The following CPLANE1 variants were observed in gnomAD, a reference collection of about 807,000 sequenced individuals.
The protein encoded by CPLANE1 is ciliogenesis and planar polarity effector 1.
In CPLANE1, 263 loss-of-function variants were observed where a neutral mutation model predicts 362.5. The observed-to-expected ratio is 0.73, with a 90% CI of 0.66 to 0.80. The LOEUF is 0.80. Ranked by LOEUF, CPLANE1 falls within the 30% of genes least tolerant of loss-of-function variation. The pLI is 0.00. For synonymous variants in CPLANE1, 1,212 were observed against 1,302.6 expected (o/e 0.93, Z 1.50); for missense variants, 3,461 against 3,793.4 (o/e 0.91, Z 2.30).
At chr5:37,159,094 C>CTTTTTTTTT (rs34035923) in intron 38 of CPLANE1, among the ~76,000 whole-genome samples, 1 of 59,760 alleles carries the variant, frequency 1.7e-5, no homozygotes, top group African/African-American at 8.9e-5. Context: ...AATTCACATT[C>CTTTTTTTTT]TTTTTTTTTT....
chr5:37,100,962 T>C, the CPLANE1 span, among the ~76,000 whole-genome samples: 10 of 152,374 alleles, frequency 6.6e-5, no homozygotes, highest in African/African-American at 2.4e-4. Flanking sequence ...ATTAATTTTG[T>C]ATCCTGAAAC....
chr5:37,240,288 C>G (rs1320736165), intron 6 of CPLANE1, among the ~76,000 whole-genome samples: 1 of 151,684 alleles, frequency 6.6e-6, no homozygotes, highest in Non-Finnish European at 1.5e-5. Context: ...AGGCGGAGGT[C>G]GCAGTGAGCC....
intron 26 of CPLANE1, 66 bp downstream of exon 26, chr5:37,182,694 G>T: frequency 3.1e-6 from 3 of 962,592 alleles, no homozygotes; most frequent in Non-Finnish European, 4.6e-6. Flanking sequence ...GATGGGAAAT[G>T]TAAACATAGT....
At chr5:37,079,556 C>T in the CPLANE1 span, among the ~76,000 whole-genome samples, 1 of 152,208 alleles carries the variant, frequency 6.6e-6, no homozygotes, top group African/African-American at 2.4e-5. Context: ...TATATAGGCA[C>T]AAGCTGGGTC....
intron 30 of CPLANE1, 133 bp downstream of exon 30, chr5:37,177,488 T>A (rs1244753240): frequency 1.5e-6 from 1 of 672,054 alleles, no homozygotes; most frequent in African/African-American, 1.8e-5. Flanking sequence ...ACCATAACTA[T>A]AAACTGAAGT....
intron 38 of CPLANE1, among the ~76,000 whole-genome samples, chr5:37,159,729 T>C (rs890158064): frequency 2.0e-5 from 3 of 152,094 alleles, no homozygotes; most frequent in Non-Finnish European, 4.4e-5. Context: ...AAAAGGAAAA[T>C]AAAAATACTG....
Position 37,157,244 on chromosome 5 carries a change from A to C in CPLANE1, c.8119+69T>G. On this transcript the variant is annotated intron_variant, in intron 41 of 52. Coordinates refer to ENST00000651892, the MANE Select transcript of CPLANE1 (RefSeq NM_001384732.1). ...TTCTGGTTTCTTTTGCAATTACCAA[A>C]TTTTGGTGCTTGTTTCCAATACAAC... is the stretch of plus-strand genomic sequence containing the variant. 4.1e-6 allele frequency: 4 copies of C among 969,972 alleles called. No individual in the cohort carries two copies. The South Asian group carries it at 5.4e-5, about 13-fold the overall frequency. 60.1% of individuals were successfully genotyped at this position (969,972 alleles called of 1,614,324 possible). A position where few individuals can be genotyped will look rare whatever the true frequency, so the allele number is the denominator to read the frequency against.
chr5:37,223,590 G>A lies in CPLANE1; in HGVS notation c.2581+663C>T, dbSNP rs1795807805. 2.0e-5 allele frequency among the ~76,000 whole-genome samples: 3 copies of A among 152,310 alleles called. No individual in the cohort carries two copies. In the South Asian group the frequency reaches 6.2e-4, roughly 32 times the overall value. On this transcript the variant is annotated intron_variant, in intron 14 of 52. Transcript: ENST00000651892. ...AGTCAGGGTTCCAGGGTCACCAGCTGAGAACCTCTGTCATCTCAGCCATAC... is the reference window on the plus strand; with the variant it reads ...AGTCAGGGTTCCAGGGTCACCAGCTAAGAACCTCTGTCATCTCAGCCATAC...
chr5:37,201,518 A>G (rs1789178327), intron 19 of CPLANE1, 73 bp downstream of exon 19: 1 of 1,251,590 alleles, frequency 8.0e-7, no homozygotes, highest in Admixed American at 2.1e-5. Context: ...GATGATTATT[A>G]TCAAGTTAAT....
intron 31 of CPLANE1, among the ~76,000 whole-genome samples, chr5:37,174,440 T>C (rs1335963459): frequency 1.3e-5 from 2 of 152,242 alleles, no homozygotes; most frequent in African/African-American, 4.8e-5. Context: ...CATCATTAAA[T>C]GTGAAACAAT....
chr5:37,181,634 G>C (rs1429330321), intron 26 of CPLANE1, among the ~76,000 whole-genome samples: 1 of 152,070 alleles, frequency 6.6e-6, no homozygotes, highest in Non-Finnish European at 1.5e-5. Flanking sequence ...GGGTAACAAA[G>C]GGAAACCCTG....
At position 37,231,060 on chromosome 5, in the gene CPLANE1, TAA is replaced by T; in HGVS notation, c.939-13_939-12del. The T allele has an allele frequency of 8.7e-6, 13 of 1,501,230 alleles. No homozygotes were observed. Among genetic ancestry groups the T allele is most frequent in the Non-Finnish European group, 1.1e-5 (12 of 1,123,216 alleles). 93.0% of individuals were successfully genotyped at this position (1,501,230 alleles called of 1,614,324 possible). Reference sequence around the variant, plus strand: ...CCTACCCAGTAGGACCTATAATAAATAAGAGACAACATGTTTAGAAGAGATAC... The same window carrying T: ...CCTACCCAGTAGGACCTATAATAAATGAGACAACATGTTTAGAAGAGATAC... On this transcript the variant is annotated splice_polypyrimidine_tract_variant and intron_variant, in intron 8 of 52. Coordinates refer to ENST00000651892, the MANE Select transcript of CPLANE1 (RefSeq NM_001384732.1).
intron 12 of CPLANE1, among the ~76,000 whole-genome samples, chr5:37,225,510 C>T (rs997972429): frequency 2.0e-5 from 3 of 152,072 alleles, no homozygotes; most frequent in East Asian, 1.9e-4. Context: ...CGATCACAGG[C>T]GTGAGCCACT....
chr5:37,088,297 T>C, the CPLANE1 span, among the ~76,000 whole-genome samples: 1 of 152,166 alleles, frequency 6.6e-6, no homozygotes, highest in South Asian at 2.1e-4. Context: ...ATGCAGGCAA[T>C]CAAAGGAAAG....
At chr5:37,092,094 T>A in the CPLANE1 span, among the ~76,000 whole-genome samples, 36 of 152,344 alleles carry the variant, frequency 2.4e-4, 1 homozygote, top group South Asian at 7.5e-3. Flanking sequence ...CCTGCTACAC[T>A]CTACTGGCTC....
At chr5:37,215,837 T>G (rs889463949) in intron 15 of CPLANE1, among the ~76,000 whole-genome samples, 14 of 151,666 alleles carry the variant, frequency 9.2e-5, no homozygotes, top group African/African-American at 3.1e-4. Context: ...TCTTTTTTTC[T>G]TTTTTGTTTT....
At chr5:37,210,039 G>A (rs1304020899) in intron 16 of CPLANE1, 16 of 805,852 alleles carry the variant, frequency 2.0e-5, no homozygotes, top group South Asian at 5.9e-5. Context: ...TAAAGATACC[G>A]AAATAGGAAA....
rs1474827466 is a variant in CPLANE1 at position 37,205,388 on chromosome 5, C to A, written c.3216G>T (p.Leu1072=). The A allele has an allele frequency of 6.4e-7, 1 of 1,550,498 alleles. No homozygotes were observed. The highest frequency in any genetic ancestry group is 1.4e-5 in the African/African-American group (1 of 72,970). The part of the protein sequence containing the change: ...MTPAQIFQEK[L]QCVLGQPASL... ...AGGCTGGTTGACCTAAAACACACTGCAGTTTTTCCTGAAAAATCTGTGCTG... is the reference window on the plus strand; with the variant it reads ...AGGCTGGTTGACCTAAAACACACTGAAGTTTTTCCTGAAAAATCTGTGCTG... Residue 1072 remains leucine, a synonymous_variant, in exon 18 of 53, where the codon CTG becomes CTT. Coordinates refer to ENST00000651892, the MANE Select transcript of CPLANE1 (RefSeq NM_001384732.1).
intron 41 of CPLANE1, 141 bp downstream of exon 41, chr5:37,157,172 T>C: frequency 3.0e-6 from 1 of 334,146 alleles, no homozygotes; most frequent in Non-Finnish European, 6.0e-6. Flanking sequence ...TGTCTCTATT[T>C]CATTTACCTA....
Sources: allele counts gnomAD v4.1 joint callset (sites outside exome capture counted in the v4.1 genomes callset), GRCh38; gene constraint gnomAD v4.1.1; transcripts MANE v1.5; gene names NCBI Gene and HGNC (gene_info 2026-07-23, HGNC 2026-07-21).